RASGRP1: variants seen among roughly 807,000 people sequenced by gnomAD.
RASGRP1 encodes the protein RAS guanyl-releasing protein 1.
RASGRP1 carries 37 observed loss-of-function variants against 95.1 expected under a neutral mutation model. The ratio of observed to expected loss-of-function variants is 0.39; its 90% CI spans 0.30 to 0.51. The LOEUF is 0.51. Ranked by LOEUF, RASGRP1 falls within the 20% of genes least tolerant of loss-of-function variation. RASGRP1 has a pLI of 0.80. For missense variants in RASGRP1, 711 were observed against 965.4 expected, an observed-to-expected ratio of 0.74 and a Z score of 3.49; for synonymous variants, 325 against 353.4, an observed-to-expected ratio of 0.92 and a Z score of 0.90.
At position 38,494,668 on chromosome 15, in the gene RASGRP1, T is replaced by G; in HGVS notation, c.1973A>C (p.Gln658Pro). Reference protein sequence around the residue: ...RTIMLMGVSSQKISLRLKRAV... With the variant: ...RTIMLMGVSSPKISLRLKRAV... ...CCTCTTCAGCCGAAGAGAAATCTTC[T>G]GTGAGGACACTCCCATCAGCATGAT... The change falls in exon 16 of 17, where the codon CAG (glutamine) becomes CCG (proline). Residue 658 changes from glutamine to proline, a missense_variant. Physicochemically the swap from Gln to Pro is moderately conservative, Grantham distance 76. Transcript: ENST00000310803. 1 of 1,545,284 alleles carries G rather than the reference T, an allele frequency of 6.5e-7. No individual in the cohort carries two copies. Among genetic ancestry groups the G allele is most frequent in the Non-Finnish European group, 8.7e-7 (1 of 1,151,976 alleles).
At chr15:38,499,873 C>A (rs1231789815) in intron 14 of RASGRP1, among the ~76,000 whole-genome samples, 1 of 152,112 alleles carries the variant, frequency 6.6e-6, no homozygotes, top group Non-Finnish European at 1.5e-5. Flanking sequence ...TTCATAAGGG[C>A]TTTTCCCCCT....
chr15:38,519,552 T>C (rs1212442966), intron 3 of RASGRP1, among the ~76,000 whole-genome samples, 181 bp from the exon 4 acceptor site: 1 of 152,236 alleles, frequency 6.6e-6, no homozygotes, highest in African/African-American at 2.4e-5. Flanking sequence ...GTATGCATAT[T>C]ATTGCCTAGA....
At chr15:38,557,964 T>C (rs984877701) in intron 2 of RASGRP1, among the ~76,000 whole-genome samples, 1 of 152,124 alleles carries the variant, frequency 6.6e-6, no homozygotes, top group African/African-American at 2.4e-5. Context: ...ATTTTTCAGG[T>C]TGATAACATG....
chr15:38,513,506 T>C (rs2141116813), intron 6 of RASGRP1, among the ~76,000 whole-genome samples: 1 of 152,322 alleles, frequency 6.6e-6, no homozygotes, highest in East Asian at 1.9e-4. Context: ...AATGGAGTAG[T>C]TATGAACCTT....
chr15:38,526,211 C>CAATAAA, intron 3 of RASGRP1, 88 bp downstream of exon 3: 1 of 1,065,432 alleles, frequency 9.4e-7, no homozygotes, highest in South Asian at 1.3e-5. Context: ...TATTCCAAAC[C>CAATAAA]AATAAAAATA....
intron 7 of RASGRP1, among the ~76,000 whole-genome samples, chr15:38,512,125 G>A (rs1891549032): frequency 6.6e-6 from 1 of 152,222 alleles, no homozygotes; most frequent in Non-Finnish European, 1.5e-5. Flanking sequence ...AGTCAGAGCT[G>A]TTGACTTTGA....
At chr15:38,562,490 C>T (rs1337802404) in intron 1 of RASGRP1, among the ~76,000 whole-genome samples, 1 of 152,240 alleles carries the variant, frequency 6.6e-6, no homozygotes, top group Non-Finnish European at 1.5e-5. Context: ...ACTCTCTACA[C>T]CTGGGGCTAC....
intron 5 of RASGRP1, 69 bp from the exon 6 acceptor site, chr15:38,516,419 A>G: frequency 6.6e-7 from 1 of 1,513,282 alleles, no homozygotes; most frequent in Non-Finnish European, 9.2e-7. Flanking sequence ...AAGTAAATCC[A>G]TTAACATTTC....
rs530298058 is a variant in RASGRP1, at chr15:38,557,439, C to T, written c.220+2382G>A. Among the ~76,000 whole-genome samples, 29 of 152,256 alleles carry T rather than the reference C, an allele frequency of 1.9e-4. No homozygotes were observed. In the East Asian group the frequency reaches 4.8e-3, roughly 25 times the overall value. On this transcript the variant is annotated intron_variant, in intron 2 of 16. Transcript: ENST00000310803. ...CCTGAGATCTTACCTTACTGACTTC[C>T]CGCAGCATTCCCTTGGCCCGTGAGG...
At chr15:38,498,758 C>T (rs771752004) in intron 15 of RASGRP1, 36 bp downstream of exon 15, 1 of 1,599,664 alleles carries the variant, frequency 6.3e-7, no homozygotes, top group South Asian at 1.1e-5. Context: ...CTTCCTACTT[C>T]ACTTTCCAAG....
chr15:38,532,129 T>C (rs1892464572), intron 2 of RASGRP1, among the ~76,000 whole-genome samples: 1 of 152,272 alleles, frequency 6.6e-6, no homozygotes, highest in South Asian at 2.1e-4. Context: ...AGATAATTGC[T>C]GCAAGCTGAT....
intron 2 of RASGRP1, among the ~76,000 whole-genome samples, chr15:38,547,189 G>T (rs1434068441): frequency 6.6e-6 from 1 of 152,108 alleles, no homozygotes; most frequent in East Asian, 1.9e-4. Flanking sequence ...GCCTATATTT[G>T]CCCATCTAAC....
At chr15:38,496,466 T>C (rs1005146786) in intron 15 of RASGRP1, among the ~76,000 whole-genome samples, 1 of 152,218 alleles carries the variant, frequency 6.6e-6, no homozygotes, top group Non-Finnish European at 1.5e-5. Context: ...GGCTGTTCTC[T>C]GCTGTCTTTT....
rs1286077287 is a variant in RASGRP1, at chr15:38,550,255, A to AG, written c.220+9565_220+9566insC. Among the ~76,000 whole-genome samples the AG allele has an allele frequency of 4.4e-3, 672 of 151,392 alleles. 8 individuals are homozygous for AG. The highest frequency in any genetic ancestry group is 0.015 in the African/African-American group (636 of 41,176). ...AGACTCTGTCGCCAAAAAAAAAAAA[A>AG]AAAAGAAAAGAAAAGAAAAAAAAGT... On this transcript the variant is annotated intron_variant, in intron 2 of 16. Transcript: ENST00000310803.
chr15:38,532,611 C>T (rs988889209), intron 2 of RASGRP1, among the ~76,000 whole-genome samples: 1 of 152,176 alleles, frequency 6.6e-6, no homozygotes, highest in Non-Finnish European at 1.5e-5. Context: ...TTATTCCCTC[C>T]TAAAACCATC....
intron 2 of RASGRP1, among the ~76,000 whole-genome samples, chr15:38,542,902 T>TACAC (rs1390157052): frequency 1.4e-5 from 2 of 145,408 alleles, no homozygotes; most frequent in Non-Finnish European, 3.0e-5. Flanking sequence ...TGTGTATATA[T>TACAC]ATACACATAT....
intron 8 of RASGRP1, among the ~76,000 whole-genome samples, chr15:38,508,689 CA>C (rs1891367026): frequency 1.3e-5 from 2 of 152,198 alleles, no homozygotes; most frequent in Non-Finnish European, 2.9e-5. Flanking sequence ...TTAGAGGTTA[CA>C]CCCTGCTTCA....
Position 38,499,664 on chromosome 15 carries a change from G to A in RASGRP1, c.1720+439C>T, listed in dbSNP as rs540925079. ...TGGACTAAATGGACAACTACTATGG[G>A]TAAAAAATGTTTTAGAGGTGGGACT... On this transcript the variant is annotated intron_variant, in intron 14 of 16. Transcript: ENST00000310803. 5.9e-5 allele frequency among the ~76,000 whole-genome samples: 9 copies of A among 152,228 alleles called. No individual in the cohort carries two copies. In the East Asian group the frequency reaches 1.7e-3, roughly 29 times the overall value.
intron 5 of RASGRP1, 129 bp from the exon 6 acceptor site, chr15:38,516,479 A>G (rs62003613): frequency 0.015 from 16,768 of 1,143,086 alleles, 152 homozygotes; most frequent in Non-Finnish European, 0.019. Context: ...GTGAATGCCA[A>G]AACAGTGCAT....
Sources: allele counts gnomAD v4.1 joint callset (sites outside exome capture counted in the v4.1 genomes callset), GRCh38; gene constraint gnomAD v4.1.1; transcripts MANE v1.5; gene names NCBI Gene and HGNC (gene_info 2026-07-23, HGNC 2026-07-21).